Variants in CRYBG2 observed in about 807,000 individuals in gnomAD.
The protein encoded by CRYBG2 is beta/gamma crystallin domain-containing protein 2.
Under a neutral mutation model 153.4 loss-of-function variants are expected in CRYBG2, and 106 were observed. That is an observed-to-expected ratio of 0.69 (90% CI 0.59 to 0.81). The LOEUF (loss-of-function observed/expected upper bound fraction) is 0.81. CRYBG2 is among the 30% of genes least tolerant of loss of function. The pLI, the probability that CRYBG2 is intolerant of heterozygous loss-of-function variation, is 0.00. For synonymous variants in CRYBG2, 851 were observed against 877.8 expected (o/e 0.97, Z 0.54); for missense variants, 1,996 against 2,112.0 (o/e 0.95, Z 1.08).
intron 16 of CRYBG2, 31 bp from the exon 17 acceptor site, chr1:26,328,363 A>G: frequency 6.4e-7 from 1 of 1,557,784 alleles, no homozygotes; most frequent in Non-Finnish European, 8.7e-7. Flanking sequence ...GGACACAGAG[A>G]AGAGCACAGA....
intron 17 of CRYBG2, chr1:26,324,926 G>A (rs572158676): frequency 6.6e-6 from 1 of 152,314 alleles, no homozygotes; most frequent in African/African-American, 2.4e-5. Flanking sequence ...GCTAACGTTT[G>A]TTGAGAGCTG....
At chr1:26,339,144 G>T in intron 6 of CRYBG2, 146 bp downstream of exon 6, 1 of 1,026,284 alleles carries the variant, frequency 9.7e-7, no homozygotes, top group Non-Finnish European at 1.4e-6. Flanking sequence ...CCAAAACACT[G>T]AATTGCTATT....
Position 26,346,366 on chromosome 1 carries a change from A to G in CRYBG2, c.292T>C (p.Ser98Pro). The part of the protein sequence containing the change: ...KNFQSHGPIF[S>P]KKYIPPPKEK... Reference sequence around the variant, plus strand: ...TTGGGAGGTGGTATGTACTTCTTGGAAAAGATGGGTCCATGGCTCTGGAAG... The same window carrying G: ...TTGGGAGGTGGTATGTACTTCTTGGGAAAGATGGGTCCATGGCTCTGGAAG... The change falls in exon 2 of 20, where the codon TCC (serine) becomes CCC (proline). Residue 98 changes from serine (S) to proline (P), a missense_variant. Transcript: ENST00000308182. This position sits in a 1 kb window ranked among gnomAD's most constrained non-coding sequence, Gnocchi z 4.9. The G allele has an allele frequency of 6.3e-7, 1 of 1,599,370 alleles. No individual in the cohort carries two copies. The highest frequency in any genetic ancestry group is 8.5e-7 in the Non-Finnish European group (1 of 1,179,750).
In CRYBG2 at chr1:26,337,386, A is replaced by G; in HGVS notation, c.3645-7T>C. 6.2e-7 allele frequency: 1 copy of G among 1,613,080 alleles called. No individual in the cohort carries two copies. Among genetic ancestry groups the G allele is most frequent in the South Asian group, 1.1e-5 (1 of 90,956 alleles). On this transcript the variant is annotated splice_polypyrimidine_tract_variant and splice_region_variant and intron_variant, in intron 9 of 19. Coordinates refer to ENST00000308182, the MANE Select transcript of CRYBG2 (RefSeq NM_001039775.4). ...CTTCTCGTAGCCCACCCAGCTGGGA[A>G]AAGCAGGAGGACAGACAGGCAGGTT...
intron 18 of CRYBG2, among the ~76,000 whole-genome samples, chr1:26,322,789 C>CATCT (rs1479699798): frequency 6.6e-6 from 1 of 152,092 alleles, no homozygotes; most frequent in African/African-American, 2.4e-5. Context: ...TGTGGTCAGC[C>CATCT]ATCTCTCTCA....
In CRYBG2 at chr1:26,349,323, T is replaced by A. The variant is rs1404147891; in HGVS notation, c.-55-2611A>T. Among the ~76,000 whole-genome samples, 4 of 152,146 alleles carry A rather than the reference T, an allele frequency of 2.6e-5. No homozygotes were observed. In the East Asian group the frequency reaches 7.7e-4, roughly 29 times the overall value. On this transcript the variant is annotated intron_variant, in intron 1 of 19. Coordinates refer to ENST00000308182, the MANE Select transcript of CRYBG2 (RefSeq NM_001039775.4). The stretch of plus-strand genomic sequence containing the variant: ...CCGAGGGTCAGAGAAGACGAGTGAC[T>A]GGCCCAGGATGACGCGGCTATGAGG...
intron 5 of CRYBG2, among the ~76,000 whole-genome samples, chr1:26,340,906 C>T (rs906446255): frequency 7.9e-5 from 12 of 151,760 alleles, no homozygotes; most frequent in African/African-American, 2.7e-4. Context: ...CGTGAGCCAC[C>T]GCGTCCAGCC....
In CRYBG2 at chr1:26,343,828, C is replaced by T; in HGVS notation, c.2830G>A (p.Val944Met). Residue 944 changes from valine (V) to methionine (M), a missense_variant, in exon 2 of 20, where the codon GTG becomes ATG. By Grantham distance (21) the Val-to-Met change is conservative. Transcript: ENST00000308182. The surrounding 1 kb of genome is among the most constrained non-coding windows in gnomAD (Gnocchi z 4.1). ...CAAAGCAGGGGCAACTGTCCTGGCA[C>T]CTTCCTGAGCCCCGGTGCCCCATGG... is the stretch of plus-strand genomic sequence containing the variant. ...LPHGAPGLRK[V>M]PGQLPLLCSE... The T allele has an allele frequency of 6.8e-7, 1 of 1,466,262 alleles. No individual in the cohort carries two copies. Among genetic ancestry groups the T allele is most frequent in the Non-Finnish European group, 9.0e-7 (1 of 1,106,242 alleles). 90.8% of individuals were successfully genotyped at this position (1,466,262 alleles called of 1,614,324 possible).
In CRYBG2 at chr1:26,343,309, G is replaced by A. The variant is rs535496107; in HGVS notation, c.2914-16C>T. On this transcript the variant is annotated splice_polypyrimidine_tract_variant and intron_variant, in intron 2 of 19. Transcript: ENST00000308182. The surrounding 1 kb of genome is among the most constrained non-coding windows in gnomAD (Gnocchi z 4.1). ...AGGCTGGGCTCTGAAACGGAGGCAG[G>A]TGATAAAGAAGTCCTGTGGGGTCAC... The A allele has an allele frequency of 5.7e-5, 89 of 1,550,318 alleles. 1 individual carries two copies. In the South Asian group the frequency reaches 1.0e-3, roughly 18 times the overall value.
rs1175138196 is a variant in CRYBG2 at position 26,331,473 on chromosome 1, A to C, written c.4314+16T>G. On this transcript the variant is annotated intron_variant, in intron 15 of 19. Transcript: ENST00000308182. The stretch of plus-strand genomic sequence containing the variant: ...TCTGCTTCCGGGATTGCCTGGAACC[A>C]GACATGGAAACTCACCAGGGATACC... 3 of 1,603,718 alleles carry C rather than the reference A, an allele frequency of 1.9e-6. No homozygotes were observed. Among genetic ancestry groups the C allele is most frequent in the Non-Finnish European group, 2.6e-6 (3 of 1,171,978 alleles).
Position 26,336,177 on chromosome 1 carries a change from C to T in CRYBG2, c.4102G>A (p.Gly1368Ser). Residue 1368 changes from glycine to serine, a missense_variant, in exon 14 of 20, where the codon GGC (glycine) becomes AGC (serine). Transcript: ENST00000308182. This position sits in a 1 kb window ranked among gnomAD's most constrained non-coding sequence, Gnocchi z 4.9. ...TCATCTTCGAAAGAGAAGTGGTCGCCCAGAAAGTCGGGGCGGGAGAAAAGC... is the reference window on the plus strand; with the variant it reads ...TCATCTTCGAAAGAGAAGTGGTCGCTCAGAAAGTCGGGGCGGGAGAAAAGC... ...IQLFSRPDFL[G>S]DHFSFEDDQA... The T allele has an allele frequency of 6.5e-7, 1 of 1,550,178 alleles. No homozygotes were observed. Among genetic ancestry groups the T allele is most frequent in the Non-Finnish European group, 8.7e-7 (1 of 1,144,730 alleles).
Position 26,343,645 on chromosome 1 carries a change from C to T in CRYBG2, c.2913+100G>A, listed in dbSNP as rs1219297991. 2 of 1,364,406 alleles carry T rather than the reference C, an allele frequency of 1.5e-6. No individual in the cohort carries two copies. Among genetic ancestry groups the T allele is most frequent in the East Asian group, 2.5e-5 (1 of 39,584 alleles). The allele number at this position is 1,364,406 out of a possible 1,614,324, so 84.5% of individuals were successfully genotyped here. A position where few individuals can be genotyped will look rare whatever the true frequency, so the allele number is the denominator to read the frequency against. ...ACCAGACTTCAGACAGAAGCCTCTG[C>T]CCCCAGACTCTGACTCCCAGCACCA... On this transcript the variant is annotated intron_variant, in intron 2 of 19. Coordinates refer to ENST00000308182, the MANE Select transcript of CRYBG2 (RefSeq NM_001039775.4). The surrounding 1 kb of genome is among the most constrained non-coding windows in gnomAD (Gnocchi z 4.1).
chr1:26,338,824 T>C (rs2074093730), intron 6 of CRYBG2, among the ~76,000 whole-genome samples: 2 of 152,250 alleles, frequency 1.3e-5, no homozygotes, highest in South Asian at 4.1e-4. Context: ...TTGTTGCTTA[T>C]GCTGGCTACA....
rs749329543 is a variant in CRYBG2 at position 26,336,739 on chromosome 1, G to T, written c.3912-7C>A. On this transcript the variant is annotated splice_polypyrimidine_tract_variant and splice_region_variant and intron_variant, in intron 11 of 19. Coordinates refer to ENST00000308182, the MANE Select transcript of CRYBG2 (RefSeq NM_001039775.4). This position sits in a 1 kb window ranked among gnomAD's most constrained non-coding sequence, Gnocchi z 4.9. The stretch of plus-strand genomic sequence containing the variant: ...CTCCTGGTAGGCCACCCACCTGCAG[G>T]AAGGGCGGGGCGCGAGTCAGCTGGG... 6.3e-7 allele frequency: 1 copy of T among 1,583,196 alleles called. No homozygotes were observed. The highest frequency in any genetic ancestry group is 8.6e-7 in the Non-Finnish European group (1 of 1,164,502).
At chr1:26,339,740 AC>A (rs2074107502) in intron 5 of CRYBG2, among the ~76,000 whole-genome samples, 1 of 139,384 alleles carries the variant, frequency 7.2e-6, no homozygotes, top group African/African-American at 2.5e-5. Flanking sequence ...CCGTCTCAAA[AC>A]AAAAAAAAAA....
intron 1 of CRYBG2, among the ~76,000 whole-genome samples, chr1:26,349,099 G>A (rs1042908447): frequency 3.3e-5 from 5 of 152,046 alleles, no homozygotes; most frequent in South Asian, 2.1e-4. Context: ...AACCTGGGGG[G>A]CGGAGGTTGC....
intron 14 of CRYBG2, among the ~76,000 whole-genome samples, chr1:26,333,045 A>AAAAAAAAAAAAC (rs2074016334): frequency 7.2e-6 from 1 of 138,736 alleles, no homozygotes; most frequent in Non-Finnish European, 1.5e-5. Flanking sequence ...AAAAAAAAAA[A>AAAAAAAAAAAAC]AGATTTCTAA....
chr1:26,333,567 A>C (rs1012141681), intron 14 of CRYBG2, among the ~76,000 whole-genome samples: 9 of 142,602 alleles, frequency 6.3e-5, no homozygotes, highest in Non-Finnish European at 1.2e-4. Context: ...ACTCCACCTC[A>C]AAAAAAAAAA....
In CRYBG2 at chr1:26,345,080, GGGGAACA is replaced by G. The variant is rs1455266840; in HGVS notation, c.1571_1577del (p.Leu524SerfsTer7). On this transcript the variant is annotated frameshift_variant, in exon 2 of 20. Transcript: ENST00000308182. LOFTEE classifies it high-confidence loss of function. ...GGCCCTTCACGACCTCTTTCCAGGT[GGGGAACA>G]AGGCAGCAGGAGCACTGGACCCCTG... is the stretch of plus-strand genomic sequence containing the variant. The G allele has an allele frequency of 3.4e-6, 1 of 291,292 alleles. No individual in the cohort carries two copies. Among genetic ancestry groups the G allele is most frequent in the African/African-American group, 6.3e-5 (1 of 15,944 alleles). The allele number at this position is 291,292 out of a possible 1,614,324, so 18.0% of individuals were successfully genotyped here. A position where few individuals can be genotyped will look rare whatever the true frequency, so the allele number is the denominator to read the frequency against.
Sources: gnomAD v4.1 joint callset for allele counts (sites outside exome capture counted in the v4.1 genomes callset) on GRCh38, gnomAD v4.1.1 for gene constraint, Gnocchi (gnomAD v3.1) non-coding constraint, MANE v1.5 for transcripts, NCBI Gene and HGNC (gene_info 2026-07-23, HGNC 2026-07-21) for gene names.